The following MYO7A variants were observed in gnomAD, a reference collection of about 807,000 sequenced individuals.
MYO7A encodes unconventional myosin-VIIa.
A neutral mutation model predicts 263.8 loss-of-function variants in MYO7A; 210 were observed. That is an observed-to-expected ratio of 0.80 (90% confidence interval 0.71 to 0.89). The LOEUF is 0.89. Among genes scored for constraint, MYO7A ranks in the 40% least tolerant of loss-of-function variants. The pLI is 0.00. For synonymous variants in MYO7A, 1,239 were observed against 1,197.3 expected, an observed-to-expected ratio of 1.03 and a Z score of -0.72; for missense variants, 2,820 against 2,968.3, an observed-to-expected ratio of 0.95 and a Z score of 1.16.
At chr11:77,209,860 C>T (rs549740098) in intron 44 of MYO7A, among the ~76,000 whole-genome samples, 1 of 152,244 alleles carries the variant, frequency 6.6e-6, no homozygotes, top group East Asian at 1.9e-4. Context: ...TAGGGCATAA[C>T]CCCCGTCCTG....
In MYO7A at chr11:77,208,809, C is replaced by T. The variant is rs568103489; in HGVS notation, c.6051+6C>T. The T allele has an allele frequency of 3.9e-6, 6 of 1,538,704 alleles. No individual in the cohort carries two copies. The South Asian group carries it at 7.1e-5, about 18-fold the overall frequency. On this transcript the variant is annotated splice_donor_region_variant and intron_variant, in intron 44 of 48. Coordinates refer to ENST00000409709, the MANE Select transcript of MYO7A (RefSeq NM_000260.4). ...CCATCTTCCACTATTACCAGGTGGG[C>T]ACCTCTGCACTCTAGTTGCCTTCGT...
At chr11:77,167,517 G>A (rs568106771) in intron 15 of MYO7A, among the ~76,000 whole-genome samples, 11 of 152,184 alleles carry the variant, frequency 7.2e-5, no homozygotes, top group Non-Finnish European at 1.2e-4. Flanking sequence ...ACCATTCCCC[G>A]GACCTCCTTA....
At position 77,202,968 on chromosome 11, in the gene MYO7A, G is replaced by A. The variant is rs958191603; in HGVS notation, c.5169-92G>A. On this transcript the variant is annotated intron_variant, in intron 37 of 48. Coordinates refer to ENST00000409709, the MANE Select transcript of MYO7A (RefSeq NM_000260.4). ...GCCCACTCTCAGCCTCTGGACACAG[G>A]GATGGGTGGGGGTGGGGGTCTCACA... 4.1e-6 allele frequency: 6 copies of A among 1,462,322 alleles called. No individual in the cohort carries two copies. The African/African-American group carries it at 4.2e-5, about 10-fold the overall frequency. 90.6% of individuals were successfully genotyped at this position (1,462,322 alleles called of 1,614,324 possible).
chr11:77,182,387 C>T (rs782750281), intron 24 of MYO7A, 37 bp from the exon 25 acceptor site: 7 of 1,570,120 alleles, frequency 4.5e-6, no homozygotes, highest in Non-Finnish European at 6.0e-6. Context: ...TAGCAATGTC[C>T]TCCGCTCTGG....
Position 77,207,382 on chromosome 11 carries a change from T to C in MYO7A, c.5836T>C (p.Phe1946Leu). The change falls in exon 42 of 49, where the codon TTT becomes CTT. Residue 1946 changes from phenylalanine (F) to leucine (L), a missense_variant. Physicochemically the swap from Phe to Leu is conservative, Grantham distance 22 (BLOSUM62 0). Transcript: ENST00000409709. ...CAAGTCCTCAGAGGGATTCAGCCTCTTTGTCAAAATTGCAGACAAGGTGGG... is the reference window on the plus strand; with the variant it reads ...CAAGTCCTCAGAGGGATTCAGCCTCCTTGTCAAAATTGCAGACAAGGTGGG... Reference protein sequence around the residue: ...LLKSSEGFSLFVKIADKVLSV... With the variant: ...LLKSSEGFSLLVKIADKVLSV... 6.2e-7 allele frequency: 1 copy of C among 1,608,946 alleles called. No homozygotes were observed. Among genetic ancestry groups the C allele is most frequent in the Non-Finnish European group, 8.5e-7 (1 of 1,177,614 alleles).
intron 29 of MYO7A, 60 bp downstream of exon 29, chr11:77,190,199 T>C: frequency 7.0e-7 from 1 of 1,430,496 alleles, no homozygotes; most frequent in African/African-American, 1.4e-5. Flanking sequence ...TAAATGCGTG[T>C]GTGTGTGTGT....
chr11:77,206,538 T>C (rs1157428559), intron 41 of MYO7A, among the ~76,000 whole-genome samples: 4 of 152,186 alleles, frequency 2.6e-5, no homozygotes, highest in Non-Finnish European at 5.9e-5. Context: ...AGGGCCCCAC[T>C]GGCCCCCAGG....
intron 4 of MYO7A, among the ~76,000 whole-genome samples, 177 bp from the exon 5 acceptor site, chr11:77,155,730 A>C (rs1952395627): frequency 6.6e-6 from 1 of 152,240 alleles, no homozygotes; most frequent in Non-Finnish European, 1.5e-5. Context: ...AGTGCTGGAC[A>C]GAAGGCCCTG....
At position 77,207,332 on chromosome 11, in the gene MYO7A, A is replaced by G. The variant is rs748331176; in HGVS notation, c.5786A>G (p.Gln1929Arg). 1.1e-5 allele frequency: 18 copies of G among 1,612,694 alleles called. No homozygotes were observed. The highest frequency in any genetic ancestry group is 1.4e-5 in the Non-Finnish European group (17 of 1,179,468). ...ESSTKAKDFC[Q>R]NIATRLLLKS... is the part of the protein sequence containing the mutation. Reference sequence around the variant, plus strand: ...AGCACCAAGGCCAAGGACTTCTGCCAGAACATCGCCACCAGGCTGCTCCTC... The same window carrying G: ...AGCACCAAGGCCAAGGACTTCTGCCGGAACATCGCCACCAGGCTGCTCCTC... The change falls in exon 42 of 49, where the codon CAG becomes CGG. Residue 1929 changes from glutamine (Q) to arginine (R), a missense_variant. Transcript: ENST00000409709.
chr11:77,182,204 G>A, intron 24 of MYO7A, 50 bp downstream of exon 24: 2 of 1,600,462 alleles, frequency 1.2e-6, no homozygotes, highest in Middle Eastern at 1.7e-4. Context: ...CAGGGCTGGG[G>A]CTATGGACTC....
rs1958052519 is a variant in MYO7A, at chr11:77,214,788, T to C, written c.*92T>C. 4.5e-6 allele frequency: 5 copies of C among 1,101,764 alleles called. No homozygotes were observed. The highest frequency in any genetic ancestry group is 2.1e-5 in the Admixed American group (1 of 46,878). 68.2% of individuals were successfully genotyped at this position (1,101,764 alleles called of 1,614,324 possible). On this transcript the variant is annotated 3_prime_UTR_variant, in exon 49 of 49. Transcript: ENST00000409709. Reference sequence around the variant, plus strand: ...TACCCCTGCAGCTGGGGAAGACTTATGCCATCCCGGCAGCGAGGCTGGGCT... The same window carrying C: ...TACCCCTGCAGCTGGGGAAGACTTACGCCATCCCGGCAGCGAGGCTGGGCT...
intron 10 of MYO7A, 146 bp from the exon 11 acceptor site, chr11:77,160,017 A>G (rs1952835912): frequency 1.6e-6 from 2 of 1,255,954 alleles, no homozygotes; most frequent in South Asian, 3.2e-5. Flanking sequence ...ATGGCTAGGG[A>G]GGATTTGGCC....
chr11:77,160,429 A>G, intron 11 of MYO7A, 147 bp downstream of exon 11: 2 of 1,222,690 alleles, frequency 1.6e-6, no homozygotes, highest in Non-Finnish European at 2.2e-6. Context: ...GCCTTCCTTG[A>G]GTCCCAGGTG....
At chr11:77,189,321 C>T in intron 27 of MYO7A, 23 bp from the exon 28 acceptor site, 2 of 1,612,222 alleles carry the variant, frequency 1.2e-6, no homozygotes, top group Non-Finnish European at 1.7e-6. Flanking sequence ...GATTCCCCCT[C>T]CCTTGCCCTG....
At chr11:77,142,995 A>G (rs1591202007) in intron 3 of MYO7A, among the ~76,000 whole-genome samples, 173 bp downstream of exon 3, 1 of 151,902 alleles carries the variant, frequency 6.6e-6, no homozygotes, top group African/African-American at 2.4e-5. Context: ...ACAAGAGGGA[A>G]CCCCTGCCTG....
chr11:77,152,968 G>A (rs577567275), intron 4 of MYO7A, among the ~76,000 whole-genome samples: 1 of 152,306 alleles, frequency 6.6e-6, no homozygotes, highest in South Asian at 2.1e-4. Flanking sequence ...TTGGTTGTGA[G>A]TTGAGGTTGA....
At chr11:77,193,284 TG>T (rs1335807016) in intron 31 of MYO7A, among the ~76,000 whole-genome samples, 1 of 151,216 alleles carries the variant, frequency 6.6e-6, no homozygotes, top group Non-Finnish European at 1.5e-5. Flanking sequence ...GTGGAGGTAG[TG>T]ATGGTGTTGG....
At chr11:77,179,533 G>A (rs1353424657) in intron 20 of MYO7A, among the ~76,000 whole-genome samples, 1 of 152,216 alleles carries the variant, frequency 6.6e-6, no homozygotes, top group Non-Finnish European at 1.5e-5. Flanking sequence ...CTCAGGGAGA[G>A]TCAAGGTCAC....
Position 77,190,052 on chromosome 11 carries a change from C to T in MYO7A, c.3663C>T (p.Pro1221=), listed in dbSNP as rs34864003. ...YLRNFIHGGP[P]GYAPYCEERL... ...GGAACTTCATCCACGGGGGCCCGCCCGGCTACGCCCCGTACTGTGAGGAGC... is the reference window on the plus strand; with the variant it reads ...GGAACTTCATCCACGGGGGCCCGCCTGGCTACGCCCCGTACTGTGAGGAGC... The change falls in exon 29 of 49, where the codon CCC becomes CCT. Residue 1221 remains proline (P), a synonymous_variant. Coordinates refer to ENST00000409709, the MANE Select transcript of MYO7A (RefSeq NM_000260.4). The T allele has an allele frequency of 1.1e-5, 18 of 1,567,990 alleles. No homozygotes were observed. The highest frequency in any genetic ancestry group is 1.8e-4 in the Middle Eastern group (1 of 5,614).
Sources: gnomAD v4.1 joint callset for allele counts (sites outside exome capture counted in the v4.1 genomes callset) on GRCh38, gnomAD v4.1.1 for gene constraint, MANE v1.5 for transcripts, NCBI Gene and HGNC (gene_info 2026-07-23, HGNC 2026-07-21) for gene names.